WARS2: variants seen among roughly 807,000 people sequenced by gnomAD.
The protein encoded by WARS2 is tryptophan--tRNA ligase, mitochondrial.
WARS2 carries 28 observed loss-of-function variants against 36.5 expected under a neutral mutation model. The observed-to-expected ratio is 0.77, with a 90% confidence interval of 0.57 to 1.05. The LOEUF (loss-of-function observed/expected upper bound fraction) is 1.05, where lower values mean the gene tolerates loss of function less well. Among genes scored for constraint, WARS2 ranks in the 50% least tolerant of loss-of-function variants. WARS2 has a pLI of 0.00. For synonymous variants in WARS2, 174 were observed against 178.4 expected (o/e 0.98, Z 0.20); for missense variants, 435 against 456.8 (o/e 0.95, Z 0.44).
intron 2 of WARS2, among the ~76,000 whole-genome samples, chr1:119,049,199 G>A (rs1188878001): frequency 1.3e-5 from 2 of 152,230 alleles, no homozygotes; most frequent in Non-Finnish European, 2.9e-5. Flanking sequence ...CAGCACACCA[G>A]CGGGCCACTG....
rs148212598 is a variant in WARS2, at chr1:119,038,186, G to A, written c.516-3973C>T. ...TTCAGTAGGGTTCTGGTTTGGTGTA[G>A]GCATTTGCCTAATAGAGGTAAAGTG... On this transcript the variant is annotated intron_variant, in intron 4 of 5. Coordinates refer to ENST00000235521, the MANE Select transcript of WARS2 (RefSeq NM_015836.4). Among the ~76,000 whole-genome samples, 25 of 152,264 alleles carry A rather than the reference G, an allele frequency of 1.6e-4. No individual in the cohort carries two copies. The East Asian group carries it at 3.7e-3, about 22-fold the overall frequency.
At chr1:119,070,970 G>A (rs1345305243) in intron 2 of WARS2, among the ~76,000 whole-genome samples, 2 of 151,940 alleles carry the variant, frequency 1.3e-5, no homozygotes, top group Admixed American at 1.3e-4. Context: ...ATCATTTGAG[G>A]TCAGGAGTTC....
At chr1:119,138,494 A>C (rs940495395) in intron 1 of WARS2, among the ~76,000 whole-genome samples, 1 of 152,208 alleles carries the variant, frequency 6.6e-6, no homozygotes, top group Admixed American at 6.5e-5. Context: ...AAAAATATGT[A>C]ATGCTATAAA....
At chr1:119,093,956 C>A (rs1049570013) in intron 1 of WARS2, among the ~76,000 whole-genome samples, 2 of 152,124 alleles carry the variant, frequency 1.3e-5, no homozygotes, top group African/African-American at 4.8e-5. Context: ...GTATTCTGCA[C>A]GGGTTGTGGT....
intron 1 of WARS2, among the ~76,000 whole-genome samples, chr1:119,113,650 G>A (rs1654790074): frequency 6.6e-6 from 1 of 152,040 alleles, no homozygotes; most frequent in African/African-American, 2.4e-5. Flanking sequence ...ATGAGGCCAG[G>A]CACTGTTTTA....
Position 119,135,751 on chromosome 1 carries a change from TAGAGAGATAGAG to T in WARS2, c.90+4792_90+4803del, listed in dbSNP as rs980927020. Among the ~76,000 whole-genome samples, 15 of 109,282 alleles carry T rather than the reference TAGAGAGATAGAG, an allele frequency of 1.4e-4. No individual in the cohort carries two copies. In the East Asian group the frequency reaches 4.0e-3, roughly 29 times the overall value. 71.7% of individuals were successfully genotyped at this position (109,282 alleles called of 152,430 possible). On this transcript the variant is annotated intron_variant, in intron 1 of 5. Coordinates refer to ENST00000235521, the MANE Select transcript of WARS2 (RefSeq NM_015836.4). Reference sequence around the variant, plus strand: ...ATAGATAGATAGATAGATAGATAGATAGAGAGATAGAGAGAGAGAGAGAGATGGGTTTTGGGG... The same window carrying T: ...ATAGATAGATAGATAGATAGATAGATAGAGAGAGAGAGATGGGTTTTGGGG...
chr1:119,110,134 AATT>A (rs1213578581), intron 1 of WARS2, among the ~76,000 whole-genome samples: 1 of 152,040 alleles, frequency 6.6e-6, no homozygotes, highest in Non-Finnish European at 1.5e-5. Flanking sequence ...TTGTTGCTAT[AATT>A]ATTTTGAATG....
chr1:119,084,876 C>G (rs587763115), intron 1 of WARS2: 3 of 289,010 alleles, frequency 1.0e-5, no homozygotes, highest in Non-Finnish European at 2.0e-5. Flanking sequence ...CTCTAATACT[C>G]AAGGAGTTAA....
Position 119,082,674 on chromosome 1 carries a change from AGG to A in WARS2, c.91-6069_91-6068del, listed in dbSNP as rs1419572040. The stretch of plus-strand genomic sequence containing the variant: ...CCCTCTCCCCAACACACTTCTCAGA[AGG>A]GGAAAGTGTACCATGGAGATGTTAA... On this transcript the variant is annotated intron_variant, in intron 1 of 5. Transcript: ENST00000235521. 5.9e-5 allele frequency: 9 copies of A among 153,328 alleles called. No individual in the cohort carries two copies. The Admixed American group carries it at 5.9e-4, about 10-fold the overall frequency. 9.5% of individuals were successfully genotyped at this position (153,328 alleles called of 1,614,324 possible).
At chr1:119,134,954 A>C (rs1422504147) in intron 1 of WARS2, among the ~76,000 whole-genome samples, 1 of 152,252 alleles carries the variant, frequency 6.6e-6, no homozygotes, top group Non-Finnish European at 1.5e-5. Flanking sequence ...ACTGAATCCA[A>C]AGCATTATCT....
chr1:119,127,305 G>A (rs753220970), intron 1 of WARS2: 14 of 606,496 alleles, frequency 2.3e-5, no homozygotes, highest in Non-Finnish European at 3.0e-5. Flanking sequence ...GCTGCTCAGA[G>A]CCAAAAACTG....
intron 1 of WARS2, among the ~76,000 whole-genome samples, chr1:119,084,242 G>A (rs1652444633): frequency 1.3e-5 from 2 of 151,854 alleles, no homozygotes; most frequent in Admixed American, 6.6e-5. Flanking sequence ...CCCATAAACA[G>A]GAAGTCAGTT....
intron 1 of WARS2, among the ~76,000 whole-genome samples, chr1:119,107,665 AAAAG>A (rs781000188): frequency 1.1e-5 from 1 of 92,926 alleles, no homozygotes; most frequent in African/African-American, 4.8e-5. Flanking sequence ...GAGAAATAGA[AAAAG>A]AAAGAGAGAG....
At chr1:119,095,490 C>G (rs1397537148) in intron 1 of WARS2, among the ~76,000 whole-genome samples, 1 of 152,066 alleles carries the variant, frequency 6.6e-6, no homozygotes. Flanking sequence ...GTGGCGATCT[C>G]GGCTCACTGC....
chr1:119,033,423 T>C, intron 5 of WARS2, 64 bp from the exon 6 acceptor site: 2 of 1,589,234 alleles, frequency 1.3e-6, no homozygotes. Flanking sequence ...ATCACCAAGA[T>C]GTACACACAG....
intron 1 of WARS2, among the ~76,000 whole-genome samples, chr1:119,115,671 A>G (rs587651515): frequency 6.6e-6 from 1 of 152,280 alleles, no homozygotes; most frequent in Admixed American, 6.5e-5. Context: ...AGAGACAAAT[A>G]ATTAGTTTTC....
chr1:119,046,713 T>TAAA (rs1648881755), intron 2 of WARS2, among the ~76,000 whole-genome samples: 1 of 151,812 alleles, frequency 6.6e-6, no homozygotes, highest in Non-Finnish European at 1.5e-5. Context: ...TGACCTAGAA[T>TAAA]TTAAGGCCTA....
chr1:119,094,487 T>G (rs1192044728), intron 1 of WARS2, among the ~76,000 whole-genome samples: 1 of 152,154 alleles, frequency 6.6e-6, no homozygotes, highest in Non-Finnish European at 1.5e-5. Context: ...ACTATTTCTT[T>G]TACTTTAAAA....
chr1:119,081,102 T>C (rs1050594769), intron 1 of WARS2, among the ~76,000 whole-genome samples: 3 of 152,202 alleles, frequency 2.0e-5, no homozygotes, highest in Admixed American at 6.5e-5. Context: ...ATTTGACATA[T>C]ACTAGAAGAG....
Sources: gnomAD v4.1 joint callset for allele counts (sites outside exome capture counted in the v4.1 genomes callset) on GRCh38, gnomAD v4.1.1 for gene constraint, MANE v1.5 for transcripts, NCBI Gene and HGNC (gene_info 2026-07-23, HGNC 2026-07-21) for gene names.